RBM12B: variants seen among roughly 807,000 people sequenced by gnomAD.
RBM12B encodes RNA binding motif protein 12B, also known as RNA-binding protein 12B.
A neutral mutation model predicts 34.3 loss-of-function variants in RBM12B; 10 were observed. That is an observed-to-expected ratio of 0.29 (90% CI 0.18 to 0.49). The LOEUF (loss-of-function observed/expected upper bound fraction) is 0.49. Ranked by LOEUF, RBM12B falls within the 20% of genes least tolerant of loss-of-function variation. RBM12B has a pLI of 0.99. For missense variants in RBM12B, 1,139 were observed against 1,262.7 expected, an observed-to-expected ratio of 0.90 and a Z score of 1.48; for synonymous variants, 477 against 437.1, an observed-to-expected ratio of 1.09 and a Z score of -1.14.
At position 93,735,963 on chromosome 8, in the gene RBM12B, A is replaced by G. The variant is rs368206988; in HGVS notation, c.448T>C (p.Leu150=). 4 of 1,614,108 alleles carry G rather than the reference A, an allele frequency of 2.5e-6. No homozygotes were observed. Among genetic ancestry groups the G allele is most frequent in the African/African-American group, 1.3e-5 (1 of 74,932 alleles). The change falls in exon 4 of 4, where the codon TTG becomes CTG. Residue 150 remains leucine (L), a synonymous_variant. Coordinates refer to ENST00000520560, the MANE Select transcript of RBM12B (RefSeq NM_001377960.1). ...GNLRPRKTRP[L]KAENPYLFLR... ...AACAAGTAAGGATTCTCGGCCTTCA[A>G]TGGCCTTGTCTTTCTTGGCCTTAAA...
Position 93,734,384 on chromosome 8 carries a change from C to T in RBM12B, c.2027G>A (p.Arg676Lys). 6.2e-7 allele frequency: 1 copy of T among 1,613,384 alleles called. No homozygotes were observed. The change falls in exon 4 of 4, where the codon AGA becomes AAA. Residue 676 changes from arginine to lysine, a missense_variant. By Grantham distance (26) the Arg-to-Lys change is conservative. This residue lies in a region of RBM12B where 863 missense variants were observed against 869.5 expected (regional missense o/e 0.99). Coordinates refer to ENST00000520560, the MANE Select transcript of RBM12B (RefSeq NM_001377960.1). ...DFRRPPEEDW[R>K]RPPEEDFRRP... Reference sequence around the variant, plus strand: ...CCTAAAGTCCTCCTCTGGGGGCCGTCTCCAGTCCTCCTCAGGTGGCCGCCT... The same window carrying T: ...CCTAAAGTCCTCCTCTGGGGGCCGTTTCCAGTCCTCCTCAGGTGGCCGCCT...
At position 93,732,977 on chromosome 8, in the gene RBM12B, A is replaced by C. The variant is rs1193276729; in HGVS notation, c.*428T>G. 1 of 152,636 alleles carries C rather than the reference A, an allele frequency of 6.6e-6. No homozygotes were observed. Among genetic ancestry groups the C allele is most frequent in the East Asian group, 1.9e-4 (1 of 5,206 alleles). The allele number at this position is 152,636 out of a possible 1,614,324, so 9.5% of individuals were successfully genotyped here. On this transcript the variant is annotated 3_prime_UTR_variant, in exon 4 of 4. Transcript: ENST00000520560. ...GCATTAATTCTGCAGGCAGGTAGCA[A>C]TGAAAATGCCAAACCTGAACAATCA...
chr8:93,737,403 A>C (rs1233033050), intron 2 of RBM12B, 48 bp from the exon 3 acceptor site: 8 of 152,164 alleles, frequency 5.3e-5, no homozygotes, highest in Non-Finnish European at 1.2e-4. Context: ...CCTGTAATTT[A>C]TCTTAAACAA....
rs752588205 is a variant in RBM12B at position 93,736,247 on chromosome 8, C to T, written c.164G>A (p.Arg55His). 3.8e-5 allele frequency: 62 copies of T among 1,614,058 alleles called. No homozygotes were observed. The highest frequency in any genetic ancestry group is 4.7e-5 in the Non-Finnish European group (55 of 1,180,036). ...AAACCCTCCTGAACGACTTATGGCA[C>T]GTCTTGCATCTTCATCTGTTGCAAA... ...IIFATDEDAR[R>H]AISRSGGFIK... Residue 55 changes from arginine (R) to histidine (H), a missense_variant, in exon 4 of 4, where the codon CGT (arginine) becomes CAT (histidine). Physicochemically the swap from Arg to His is conservative, Grantham distance 29. This residue lies in a region of RBM12B where 216 missense variants were observed against 292.2 expected (regional missense o/e 0.74). Transcript: ENST00000520560.
Position 93,735,222 on chromosome 8 carries a change from C to T in RBM12B, c.1189G>A (p.Gly397Ser), listed in dbSNP as rs1206274973. ...CTTATATAGATGCACAGTTTCTGGC[C>T]AGAGTTACCTTCTTGAGAGTATTTT... The part of the protein sequence containing the change: ...SQKYSQEGNS[G>S]QKLCIYIRNF... The change falls in exon 4 of 4, where the codon GGC (glycine) becomes AGC (serine). Residue 397 changes from glycine to serine, a missense_variant. Gly to Ser is a moderately conservative substitution (Grantham distance 56). Transcript: ENST00000520560. The T allele has an allele frequency of 6.2e-7, 1 of 1,614,066 alleles. No homozygotes were observed. The highest frequency in any genetic ancestry group is 1.1e-5 in the South Asian group (1 of 91,078).
In RBM12B at chr8:93,733,017, A is replaced by G. The variant is rs1479647802; in HGVS notation, c.*388T>C. On this transcript the variant is annotated 3_prime_UTR_variant, in exon 4 of 4. Coordinates refer to ENST00000520560, the MANE Select transcript of RBM12B (RefSeq NM_001377960.1). ...CTGAACAATCAGTCACTATTTCCTT[A>G]TACAGTTTGAGTAAAAGAGGTAGAC... 6.5e-6 allele frequency: 1 copy of G among 154,264 alleles called. No individual in the cohort carries two copies. The highest frequency in any genetic ancestry group is 2.4e-5 in the African/African-American group (1 of 41,482). The allele number at this position is 154,264 out of a possible 1,614,324, so 9.6% of individuals were successfully genotyped here.
chr8:93,735,750 T>C lies in RBM12B; in HGVS notation c.661A>G (p.Arg221Gly). The change falls in exon 4 of 4, where the codon AGA becomes GGA. Residue 221 changes from arginine (R) to glycine (G), a missense_variant. This residue lies in a region of RBM12B where 216 missense variants were observed against 292.2 expected (regional missense o/e 0.74). Transcript: ENST00000520560. ...LKCHRSFMGS[R>G]FIEVMQGSEQ... ...GATCCTTGCATTACTTCTATAAATC[T>C]TGAACCCATAAAACTTCTATGACAT... The C allele has an allele frequency of 6.2e-7, 1 of 1,614,114 alleles. No individual in the cohort carries two copies.
chr8:93,740,232 T>C (rs2130484763), intron 2 of RBM12B: 1 of 450,988 alleles, frequency 2.2e-6, no homozygotes, highest in East Asian at 7.0e-5. Context: ...TAGGAAGAAC[T>C]GTAAATGAAG....
chr8:93,738,199 A>T (rs568500072), intron 2 of RBM12B, among the ~76,000 whole-genome samples: 2 of 152,316 alleles, frequency 1.3e-5, no homozygotes, highest in South Asian at 4.1e-4. Context: ...AATTCATCTC[A>T]AGCCAAACAG....
rs1470956306 is a variant in RBM12B at position 93,734,303 on chromosome 8, G to A, written c.2108C>T (p.Pro703Leu). The A allele has an allele frequency of 1.9e-6, 3 of 1,613,124 alleles. No individual in the cohort carries two copies. Among genetic ancestry groups the A allele is most frequent in the Admixed American group, 3.3e-5 (2 of 59,910 alleles). Residue 703 changes from proline to leucine, a missense_variant, in exon 4 of 4, where the codon CCA becomes CTA. Coordinates refer to ENST00000520560, the MANE Select transcript of RBM12B (RefSeq NM_001377960.1). ...RPPEDDFRRP[P>L]EEDFRHSPEE... ...AGGGGAATGCCTGAAATCCTCCTCT[G>A]GGGGCCGCCTGAAGTCATCCTCGGG...
chr8:93,729,026 A>T lies in RBM12B; in HGVS notation c.*4379T>A, dbSNP rs2130408104. The T allele has an allele frequency of 6.6e-6, 1 of 152,232 alleles. No homozygotes were observed. Among genetic ancestry groups the T allele is most frequent in the East Asian group, 1.9e-4 (1 of 5,188 alleles). 9.4% of individuals were successfully genotyped at this position (152,232 alleles called of 1,614,324 possible). On this transcript the variant is annotated 3_prime_UTR_variant, in exon 4 of 4. Transcript: ENST00000520560. ...TTAAAAATTCTATAAAAATTTTACC[A>T]AGCTACCATATAGTTAATAAAAGGG... is the stretch of plus-strand genomic sequence containing the variant.
In RBM12B at chr8:93,736,143, G is replaced by C; in HGVS notation, c.268C>G (p.Arg90Gly). 6.2e-7 allele frequency: 1 copy of C among 1,614,140 alleles called. No individual in the cohort carries two copies. The change falls in exon 4 of 4, where the codon CGT becomes GGT. Residue 90 changes from arginine (R) to glycine (G), a missense_variant. Coordinates refer to ENST00000520560, the MANE Select transcript of RBM12B (RefSeq NM_001377960.1). ...GATCCTGGACGCCCTCTTCCTACAC[G>C]ATCAGTTCTTTTCATTTCTATAGTC... is the stretch of plus-strand genomic sequence containing the variant. ...QKTIEMKRTD[R>G]VGRGRPGSGT...
intron 2 of RBM12B, among the ~76,000 whole-genome samples, chr8:93,737,820 A>AC (rs1812067078): frequency 6.7e-6 from 1 of 149,482 alleles, no homozygotes; most frequent in Non-Finnish European, 1.5e-5. Context: ...AAAAAAAAAA[A>AC]AAAAAAAAAG....
rs532975674 is a variant in RBM12B, at chr8:93,728,934, A to C, written c.*4471T>G. 6.6e-6 allele frequency: 1 copy of C among 152,240 alleles called. No individual in the cohort carries two copies. Among genetic ancestry groups the C allele is most frequent in the South Asian group, 2.1e-4 (1 of 4,830 alleles). 9.4% of individuals were successfully genotyped at this position (152,240 alleles called of 1,614,324 possible). On this transcript the variant is annotated 3_prime_UTR_variant, in exon 4 of 4. Transcript: ENST00000520560. Reference sequence around the variant, plus strand: ...AACAAAACTGCTGTCATAATTATACATGATACTGCAACTTTTGGAAGGCTA... The same window carrying C: ...AACAAAACTGCTGTCATAATTATACCTGATACTGCAACTTTTGGAAGGCTA...
intron 3 of RBM12B, among the ~76,000 whole-genome samples, chr8:93,736,760 C>G (rs58188989): frequency 1.5e-3 from 236 of 152,344 alleles, no homozygotes; most frequent in African/African-American, 5.3e-3. Flanking sequence ...TACTTTCAGA[C>G]TCATTTAGAA....
chr8:93,734,433 T>G lies in RBM12B; in HGVS notation c.1978A>C (p.Arg660=). The change falls in exon 4 of 4, where the codon AGG becomes CGG. Residue 660 remains arginine, a synonymous_variant. Transcript: ENST00000520560. Reference sequence around the variant, plus strand: ...CTGAAATCTTCCTCTGGGAGCCACCTTAAGTCCTCCTCAGGGGGTTGCCTG... The same window carrying G: ...CTGAAATCTTCCTCTGGGAGCCACCGTAAGTCCTCCTCAGGGGGTTGCCTG... The part of the protein sequence containing the change: ...DFRQPPEEDL[R]WLPEEDFRRP... 6.2e-7 allele frequency: 1 copy of G among 1,605,524 alleles called. No homozygotes were observed. The highest frequency in any genetic ancestry group is 1.1e-5 in the South Asian group (1 of 90,176).
intron 3 of RBM12B, among the ~76,000 whole-genome samples, 182 bp downstream of exon 3, chr8:93,737,125 C>G (rs1812045528): frequency 6.6e-6 from 1 of 152,124 alleles, no homozygotes; most frequent in Admixed American, 6.5e-5. Flanking sequence ...CTGCCTGAGC[C>G]CAATTTGAAA....
Position 93,728,252 on chromosome 8 carries a change from G to T in RBM12B, c.*5153C>A. The T allele has an allele frequency of 6.3e-7, 1 of 1,598,306 alleles. No homozygotes were observed. The highest frequency in any genetic ancestry group is 8.5e-7 in the Non-Finnish European group (1 of 1,175,444). On this transcript the variant is annotated 3_prime_UTR_variant, in exon 4 of 4. Transcript: ENST00000520560. ...AGGATCAACAAGCAGAAGATGATGA[G>T]GATGACGAGTTAGATGTTACAGAAG...
At position 93,734,033 on chromosome 8, in the gene RBM12B, T is replaced by C; in HGVS notation, c.2378A>G (p.Glu793Gly). Residue 793 changes from glutamate to glycine, a missense_variant, in exon 4 of 4, where the codon GAG becomes GGG. Coordinates refer to ENST00000520560, the MANE Select transcript of RBM12B (RefSeq NM_001377960.1). Reference protein sequence around the residue: ...PQEHFRRPPQEHFRRSREEDF... With the variant: ...PQEHFRRPPQGHFRRSREEDF... ...TTCCTCTCGGGAGCGCCTGAAATGCTCCTGAGGCGGCCGCCTGAAATGCTC... is the reference window on the plus strand; with the variant it reads ...TTCCTCTCGGGAGCGCCTGAAATGCCCCTGAGGCGGCCGCCTGAAATGCTC... 3 of 1,597,442 alleles carry C rather than the reference T, an allele frequency of 1.9e-6. No individual in the cohort carries two copies. Among genetic ancestry groups the C allele is most frequent in the Non-Finnish European group, 1.7e-6 (2 of 1,174,670 alleles).
Sources: gnomAD v4.1 joint callset for allele counts (sites outside exome capture counted in the v4.1 genomes callset) on GRCh38, gnomAD v4.1.1 for gene constraint, gnomAD v4.1.1 regional missense constraint, MANE v1.5 for transcripts, NCBI Gene and HGNC (gene_info 2026-07-23, HGNC 2026-07-21) for gene names.